AIM2: variants seen among roughly 807,000 people sequenced by gnomAD.
The protein encoded by AIM2 is absent in melanoma 2.
In AIM2, 30 loss-of-function variants were observed where a neutral mutation model predicts 27.7. That is an observed-to-expected ratio of 1.08 (90% confidence interval 0.81 to 1.47). The LOEUF (loss-of-function observed/expected upper bound fraction) is 1.47. Ranked by LOEUF, AIM2 falls within the 40% of genes most tolerant of loss-of-function variation. The pLI, the probability that AIM2 is intolerant of heterozygous loss-of-function variation, is 0.00. For missense variants in AIM2, 358 were observed against 411.3 expected, an observed-to-expected ratio of 0.87 and a Z score of 1.12; for synonymous variants, 141 against 145.3, an observed-to-expected ratio of 0.97 and a Z score of 0.21.
intron 1 of AIM2, among the ~76,000 whole-genome samples, chr1:159,074,262 A>G (rs1049707111): frequency 1.3e-5 from 2 of 152,160 alleles, no homozygotes; most frequent in Admixed American, 6.5e-5. Flanking sequence ...ATCTTTTCCA[A>G]TCTCAAGATT....
rs1176680474 is a variant in AIM2 at position 159,062,544 on chromosome 1, CA to C, written c.*147del. The C allele has an allele frequency of 2.9e-6, 2 of 678,144 alleles. No homozygotes were observed. The highest frequency in any genetic ancestry group is 5.1e-6 in the Non-Finnish European group (2 of 390,718). The allele number at this position is 678,144 out of a possible 1,614,324, so 42.0% of individuals were successfully genotyped here. On this transcript the variant is annotated 3_prime_UTR_variant, in exon 6 of 6. Transcript: ENST00000368130. ...TGATATTCTGAATTTGTTTATCCAG[CA>C]ATTATTCTATCCTAATTTGGTGGAG...
intron 1 of AIM2, among the ~76,000 whole-genome samples, chr1:159,138,042 C>T (rs763744737): frequency 1.6e-4 from 24 of 152,282 alleles, no homozygotes; most frequent in Middle Eastern, 6.8e-3. Context: ...TTATTCCTCT[C>T]TTACATTACA....
At chr1:159,074,821 G>A (rs1557896054) in intron 1 of AIM2, among the ~76,000 whole-genome samples, 1 of 152,066 alleles carries the variant, frequency 6.6e-6, no homozygotes, top group Non-Finnish European at 1.5e-5. Context: ...GAGATTTAAA[G>A]GACCTACTTA....
At chr1:159,112,232 A>G (rs574407401) in intron 1 of AIM2, among the ~76,000 whole-genome samples, 17 of 152,290 alleles carry the variant, frequency 1.1e-4, no homozygotes, top group Admixed American at 2.0e-4. Context: ...AAAAGAAAAG[A>G]ATGAGAAAAG....
intron 1 of AIM2, among the ~76,000 whole-genome samples, chr1:159,094,558 C>T (rs1657128969): frequency 6.6e-6 from 1 of 152,094 alleles, no homozygotes; most frequent in Non-Finnish European, 1.5e-5. Context: ...CTTAGCTGAG[C>T]TTGGTGGCGT....
chr1:159,066,475 G>A lies in AIM2; in HGVS notation c.397-146C>T, dbSNP rs1341299264. 7 of 805,908 alleles carry A rather than the reference G, an allele frequency of 8.7e-6. No individual in the cohort carries two copies. In the South Asian group the frequency reaches 1.3e-4, roughly 15 times the overall value. 49.9% of individuals were successfully genotyped at this position (805,908 alleles called of 1,614,324 possible). A position where few individuals can be genotyped will look rare whatever the true frequency, so the allele number is the denominator to read the frequency against. On this transcript the variant is annotated intron_variant, in intron 3 of 5. Transcript: ENST00000368130. ...GAGATACAGAGGGGATACGAAGAGA[G>A]TTGAGGCCTAGAACGATCCAGATAG...
At chr1:159,058,596 G>A (rs1414104410), downstream of AIM2, among the ~76,000 whole-genome samples, 1 of 152,076 alleles carries the variant, frequency 6.6e-6, no homozygotes, top group Non-Finnish European at 1.5e-5. Context: ...AACGGGGGTG[G>A]GGGCATGATT....
intron 1 of AIM2, among the ~76,000 whole-genome samples, chr1:159,125,503 A>T (rs936195955): frequency 6.6e-6 from 1 of 152,214 alleles, no homozygotes; most frequent in South Asian, 2.1e-4. Flanking sequence ...GTTAAGCGCC[A>T]CATGGTTATA....
In AIM2 at chr1:159,100,480, G is replaced by A. The variant is rs116344352; in HGVS notation, c.-15-34151C>T. Among the ~76,000 whole-genome samples, 914 of 152,170 alleles carry A rather than the reference G, an allele frequency of 6.0e-3. 12 individuals are homozygous for A. The highest frequency in any genetic ancestry group is 0.021 in the African/African-American group (858 of 41,518). On this transcript the variant is annotated intron_variant, in intron 1 of 2. Coordinates refer to the AIM2 transcript ENST00000368129. ...AGAGTGCATGAAATCAGGAAGGAGA[G>A]GAACAATGGGTCAGTTGGAGAGAAA...
At chr1:159,063,245 T>G (rs72709567) in intron 5 of AIM2, among the ~76,000 whole-genome samples, 9,580 of 152,264 alleles carry the variant, frequency 0.063, 403 homozygotes, top group African/African-American at 0.11. Context: ...GGAGCTCTTT[T>G]TTGGGCTCTG....
chr1:159,066,085 C>T lies in AIM2; in HGVS notation c.641G>A (p.Arg214Gln), dbSNP rs749567312. The change falls in exon 4 of 6, where the codon CGG becomes CAG. Residue 214 changes from arginine (R) to glutamine (Q), a missense_variant. Coordinates refer to ENST00000368130, the MANE Select transcript of AIM2 (RefSeq NM_004833.3). ...KRIIIIARYY[R>Q]HSGFLEVNSA... ...ATTTACCTCTAAGAAACCACTGTGC[C>T]GATAATATCTTGCTATTATAATTAT... 21 of 1,613,994 alleles carry T rather than the reference C, an allele frequency of 1.3e-5. No individual in the cohort carries two copies. Among genetic ancestry groups the T allele is most frequent in the Admixed American group, 1.7e-5 (1 of 59,990 alleles).
At chr1:159,087,830 C>T (rs1656954632) in intron 1 of AIM2, among the ~76,000 whole-genome samples, 2 of 152,052 alleles carry the variant, frequency 1.3e-5, no homozygotes, top group Admixed American at 6.6e-5. Context: ...ATCTTGGCCC[C>T]CCAAAGTGCT....
intron 1 of AIM2, among the ~76,000 whole-genome samples, chr1:159,073,980 A>T (rs189561018): frequency 6.6e-6 from 1 of 152,288 alleles, no homozygotes; most frequent in Non-Finnish European, 1.5e-5. Flanking sequence ...TGGAGGTTGC[A>T]GTGAGCCAAG....
At chr1:159,142,626 A>G (rs1471580474), upstream of AIM2, among the ~76,000 whole-genome samples, 3 of 152,124 alleles carry the variant, frequency 2.0e-5, no homozygotes, top group Non-Finnish European at 4.4e-5. Flanking sequence ...TTTTACAACT[A>G]TCCTAGTACA....
At chr1:159,139,878 G>A (rs377006575) in intron 1 of AIM2, among the ~76,000 whole-genome samples, 3 of 152,196 alleles carry the variant, frequency 2.0e-5, no homozygotes, top group East Asian at 1.9e-4. Context: ...CCCTTGCCCC[G>A]AATTTTAACA....
chr1:159,095,854 G>A (rs1309671818), intron 1 of AIM2, among the ~76,000 whole-genome samples: 3 of 152,094 alleles, frequency 2.0e-5, no homozygotes, highest in Non-Finnish European at 4.4e-5. Flanking sequence ...GCTTTATACT[G>A]GTGACTATGG....
chr1:159,081,315 T>C (rs1656770021), upstream of AIM2: 1 of 221,328 alleles, frequency 4.5e-6, no homozygotes, highest in Non-Finnish European at 9.5e-6. Flanking sequence ...ATAAAATCTG[T>C]TGACCTGGGT....
chr1:159,099,286 G>A (rs1657263471), intron 1 of AIM2, among the ~76,000 whole-genome samples: 1 of 152,212 alleles, frequency 6.6e-6, no homozygotes, highest in South Asian at 2.1e-4. Context: ...AGGACAGTCA[G>A]AGAGCCAGGT....
At chr1:159,067,735 T>G (rs1349911965) in intron 3 of AIM2, among the ~76,000 whole-genome samples, 1 of 152,176 alleles carries the variant, frequency 6.6e-6, no homozygotes, top group Non-Finnish European at 1.5e-5. Flanking sequence ...AAATGGTTCC[T>G]CTAGACAAAG....
Sources: gnomAD v4.1 joint callset for allele counts (sites outside exome capture counted in the v4.1 genomes callset) on GRCh38, gnomAD v4.1.1 for gene constraint, MANE v1.5 for transcripts, NCBI Gene and HGNC (gene_info 2026-07-23, HGNC 2026-07-21) for gene names.